COL5A1: variants seen among roughly 807,000 people sequenced by gnomAD.
COL5A1 encodes collagen alpha-1(V) chain.
Under a neutral mutation model 263.7 loss-of-function variants are expected in COL5A1, and 16 were observed. That is an observed-to-expected ratio of 0.06 (90% confidence interval 0.04 to 0.09). The LOEUF (loss-of-function observed/expected upper bound fraction) is 0.09, where lower values mean the gene tolerates loss of function less well. COL5A1 is among the 10% of genes least tolerant of loss of function. COL5A1 has a pLI of 1.00. For synonymous variants in COL5A1, 1,012 were observed against 1,004.5 expected (o/e 1.01, Z -0.14); for missense variants, 2,036 against 2,540.5 (o/e 0.80, Z 4.27).
At chr9:134,828,766 C>G (rs1433486532) in intron 63 of COL5A1, among the ~76,000 whole-genome samples, 1 of 107,266 alleles carries the variant, frequency 9.3e-6, no homozygotes, top group East Asian at 2.8e-4. Context: ...TGATACATAC[C>G]ACACATCACA....
chr9:134,794,587 C>G lies in COL5A1; in HGVS notation c.2701-495C>G, dbSNP rs10120983. 0.19 allele frequency among the ~76,000 whole-genome samples: 29,564 copies of G among 152,120 alleles called. 3,985 individuals are homozygous for G. The highest frequency in any genetic ancestry group is 0.38 in the African/African-American group (15,927 of 41,458). On this transcript the variant is annotated intron_variant, in intron 32 of 65. Coordinates refer to ENST00000371817, the MANE Select transcript of COL5A1 (RefSeq NM_000093.5). The surrounding 1 kb of genome is among the most constrained non-coding windows in gnomAD (Gnocchi z 4.3). ...GGATATATGATTTATATATTAAATT[C>G]CAAGTTTGCGCGTCTGCAGAGCCTG...
Position 134,772,587 on chromosome 9 carries a change from C to T in COL5A1, c.2287-203C>T, listed in dbSNP as rs12378156. Among the ~76,000 whole-genome samples the T allele has an allele frequency of 0.051, 7,717 of 152,272 alleles. 220 individuals are homozygous for T. The highest frequency in any genetic ancestry group is 0.057 in the Non-Finnish European group (3,844 of 68,012). ...GTTCCCATTTTGCAGATGGAGCAGC[C>T]GAGGTTCAGGGCCTGGCGGCTCGGG... On this transcript the variant is annotated intron_variant, in intron 25 of 65. Transcript: ENST00000371817.
At chr9:134,767,128 G>A (rs1836702575) in intron 23 of COL5A1, 75 bp downstream of exon 23, 2 of 1,546,188 alleles carry the variant, frequency 1.3e-6, no homozygotes, top group Non-Finnish European at 1.8e-6. Flanking sequence ...GGAGCCCTGG[G>A]AGGAAGCGGG....
At chr9:134,808,630 G>A (rs559767916) in intron 42 of COL5A1, among the ~76,000 whole-genome samples, 1 of 152,304 alleles carries the variant, frequency 6.6e-6, no homozygotes, top group African/African-American at 2.4e-5. Context: ...TTGTGCACAT[G>A]CATGTGCATG....
intron 1 of COL5A1, among the ~76,000 whole-genome samples, chr9:134,654,907 T>TAGG (rs1831892043): frequency 1.5e-5 from 1 of 66,500 alleles, no homozygotes; most frequent in Admixed American, 1.9e-4. Context: ...TGTGTAGGGC[T>TAGG]GGTGTTTGTA....
At chr9:134,763,011 T>C (rs12550921) in intron 19 of COL5A1, among the ~76,000 whole-genome samples, 16,131 of 152,150 alleles carry the variant, frequency 0.11, 1,340 homozygotes, top group East Asian at 0.27. Flanking sequence ...TGGCTGTGTA[T>C]GCATGTGCAT....
At chr9:134,772,703 A>G in intron 25 of COL5A1, 87 bp from the exon 26 acceptor site, 1 of 1,358,100 alleles carries the variant, frequency 7.4e-7, no homozygotes, top group Non-Finnish European at 1.1e-6. Context: ...GGGCTCCATG[A>G]TCATGGATGC....
chr9:134,799,399 C>T (rs1838030926), intron 37 of COL5A1, among the ~76,000 whole-genome samples: 1 of 152,234 alleles, frequency 6.6e-6, no homozygotes, highest in Admixed American at 6.5e-5. Flanking sequence ...TTCCTCGTCA[C>T]CACGCTGTGT....
intron 59 of COL5A1, chr9:134,822,776 G>A (rs547643626): frequency 8.3e-5 from 53 of 636,986 alleles, no homozygotes; most frequent in Middle Eastern, 8.3e-4. Context: ...TGGTAGGCTG[G>A]CCGGGGGCAG....
At chr9:134,664,467 T>C (rs1416752175) in intron 1 of COL5A1, among the ~76,000 whole-genome samples, 3 of 152,336 alleles carry the variant, frequency 2.0e-5, no homozygotes, top group Admixed American at 1.3e-4. Context: ...GGGGTCGACC[T>C]GCAAGGAACT....
chr9:134,684,266 A>T (rs190957114), intron 1 of COL5A1, among the ~76,000 whole-genome samples: 1 of 152,122 alleles, frequency 6.6e-6, no homozygotes, highest in Non-Finnish European at 1.5e-5. Context: ...AAAAGCAGCC[A>T]TCTCATTCCA....
chr9:134,731,961 C>T, intron 8 of COL5A1, 110 bp from the exon 9 acceptor site: 1 of 1,280,868 alleles, frequency 7.8e-7, no homozygotes, highest in Non-Finnish European at 1.1e-6. Context: ...AGATGCCCAG[C>T]TACGATAGTG....
At position 134,794,888 on chromosome 9, in the gene COL5A1, G is replaced by A. The variant is rs1201886802; in HGVS notation, c.2701-194G>A. ...CTTGTGCAGGAGTGCAAAGCTGTGT[G>A]TGTCGGGTGTGCGGTGAGCTTCTCG... On this transcript the variant is annotated intron_variant, in intron 32 of 65. Coordinates refer to ENST00000371817, the MANE Select transcript of COL5A1 (RefSeq NM_000093.5). This position sits in a 1 kb window ranked among gnomAD's most constrained non-coding sequence, Gnocchi z 4.3. Among the ~76,000 whole-genome samples, 1 of 152,226 alleles carries A rather than the reference G, an allele frequency of 6.6e-6. No individual in the cohort carries two copies. The highest frequency in any genetic ancestry group is 1.9e-4 in the East Asian group (1 of 5,188).
intron 9 of COL5A1, among the ~76,000 whole-genome samples, chr9:134,736,124 C>T (rs1275466160): frequency 1.3e-5 from 2 of 152,378 alleles, no homozygotes; most frequent in East Asian, 3.9e-4. Flanking sequence ...AGCCTGGTAC[C>T]CAGCACCTCT....
intron 11 of COL5A1, among the ~76,000 whole-genome samples, chr9:134,746,518 A>G (rs982958618): frequency 2.0e-5 from 3 of 152,238 alleles, no homozygotes; most frequent in Non-Finnish European, 4.4e-5. Context: ...GCAGTGGCAG[A>G]GGGAGCCACT....
intron 29 of COL5A1, 62 bp from the exon 30 acceptor site, chr9:134,784,927 G>C (rs1156315313): frequency 7.5e-7 from 1 of 1,333,212 alleles, no homozygotes; most frequent in Non-Finnish European, 1.1e-6. Context: ...TCTCAGAATG[G>C]TGGTGGAGAA....
chr9:134,828,582 C>CCACACCACACATCA (rs1446779685), intron 63 of COL5A1, among the ~76,000 whole-genome samples: 8 of 147,394 alleles, frequency 5.4e-5, no homozygotes, highest in Admixed American at 5.4e-4. Context: ...ACCACATATA[C>CCACACCACACATCA]CACACCACAC....
intron 28 of COL5A1, 45 bp downstream of exon 28, chr9:134,780,191 GC>G (rs748461223): frequency 6.3e-7 from 1 of 1,599,386 alleles, no homozygotes; most frequent in Non-Finnish European, 8.6e-7. Flanking sequence ...TTAGTCCGGA[GC>G]CGAATTCCAG....
intron 22 of COL5A1, among the ~76,000 whole-genome samples, 159 bp downstream of exon 22, chr9:134,766,657 C>T (rs1313863087): frequency 6.6e-6 from 1 of 152,222 alleles, no homozygotes; most frequent in African/African-American, 2.4e-5. Flanking sequence ...TGGTGAGTGG[C>T]ACCTGGAGAC....
Sources: gnomAD v4.1 joint callset for allele counts (sites outside exome capture counted in the v4.1 genomes callset) on GRCh38, gnomAD v4.1.1 for gene constraint, Gnocchi (gnomAD v3.1) non-coding constraint, MANE v1.5 for transcripts, NCBI Gene and HGNC (gene_info 2026-07-23, HGNC 2026-07-21) for gene names.